Variants in SAE1 observed in about 807,000 individuals in gnomAD.
SAE1 encodes SUMO1 activating enzyme subunit 1.
Under a neutral mutation model 40.6 loss-of-function variants are expected in SAE1, and 11 were observed. The ratio of observed to expected loss-of-function variants is 0.27; its 90% CI spans 0.17 to 0.45. SAE1 has a LOEUF of 0.45. SAE1 is among the 20% of genes least tolerant of loss of function. The probability of loss-of-function intolerance (pLI) is 1.00; values close to 1 mark genes in which losing one functional copy is unlikely to be tolerated. For missense variants in SAE1, 373 were observed against 427.3 expected (o/e 0.87, Z 1.12); for synonymous variants, 155 against 154.3 (o/e 1.00, Z -0.03).
chr19:47,167,577 C>A (rs1298592717), intron 5 of SAE1, among the ~76,000 whole-genome samples: 3 of 152,130 alleles, frequency 2.0e-5, no homozygotes, highest in Admixed American at 2.0e-4. Flanking sequence ...CTATATGCAT[C>A]CTTAGCAAGC....
At chr19:47,205,764 C>G (rs1473220469) in intron 8 of SAE1, among the ~76,000 whole-genome samples, 2 of 152,198 alleles carry the variant, frequency 1.3e-5, no homozygotes, top group Non-Finnish European at 2.9e-5. Context: ...TCATCTCCCA[C>G]CGGCCCTATG....
intron 5 of SAE1, among the ~76,000 whole-genome samples, chr19:47,163,457 G>C (rs1000346821): frequency 1.3e-5 from 2 of 152,170 alleles, no homozygotes; most frequent in Non-Finnish European, 2.9e-5. Flanking sequence ...GCCAGGCGCA[G>C]TGCCTCACGC....
intron 5 of SAE1, among the ~76,000 whole-genome samples, chr19:47,164,363 T>G (rs2058376978): frequency 6.6e-6 from 1 of 151,782 alleles, no homozygotes; most frequent in Admixed American, 6.6e-5. Flanking sequence ...AGAGACGGGT[T>G]TCACCGTGTT....
chr19:47,208,589 C>T (rs976127766), intron 8 of SAE1, among the ~76,000 whole-genome samples: 2 of 152,140 alleles, frequency 1.3e-5, no homozygotes, highest in African/African-American at 2.4e-5. Flanking sequence ...CCATACTCGG[C>T]TAATTTCTGT....
rs141368277 is a variant in SAE1 at position 47,192,540 on chromosome 19, C to T, written c.734-4693C>T. On this transcript the variant is annotated intron_variant, in intron 6 of 8. Coordinates refer to ENST00000270225, the MANE Select transcript of SAE1 (RefSeq NM_005500.3). ...GGGATTACAGGCATCAGCCACCATG[C>T]CCGGCTACTTAATTTATTTTTTGAG... Among the ~76,000 whole-genome samples the T allele has an allele frequency of 3.6e-4, 54 of 152,040 alleles. No homozygotes were observed. In the East Asian group the frequency reaches 5.6e-3, roughly 16 times the overall value.
At chr19:47,175,837 A>G (rs2058465666) in intron 6 of SAE1, among the ~76,000 whole-genome samples, 1 of 152,234 alleles carries the variant, frequency 6.6e-6, no homozygotes, top group Admixed American at 6.5e-5. Context: ...CATAGTAGAA[A>G]AAACTCTGGT....
intron 1 of SAE1, among the ~76,000 whole-genome samples, chr19:47,132,431 T>TG (rs1225161648): frequency 2.0e-5 from 3 of 151,522 alleles, no homozygotes; most frequent in Non-Finnish European, 2.9e-5. Context: ...TTTGTTTTTT[T>TG]TTTTTTTTGT....
At chr19:47,191,248 T>TA (rs1366481107) in intron 6 of SAE1, among the ~76,000 whole-genome samples, 7 of 151,970 alleles carry the variant, frequency 4.6e-5, no homozygotes, top group Admixed American at 4.6e-4. Context: ...CCGTCACTAG[T>TA]AAAAATACAA....
chr19:47,186,549 C>G (rs889927617), intron 6 of SAE1, among the ~76,000 whole-genome samples: 1 of 152,098 alleles, frequency 6.6e-6, no homozygotes, highest in Non-Finnish European at 1.5e-5. Flanking sequence ...CCTCAGCCTT[C>G]TTGCTTGGGT....
intron 5 of SAE1, among the ~76,000 whole-genome samples, chr19:47,166,176 C>T (rs940567477): frequency 3.3e-5 from 5 of 152,078 alleles, no homozygotes; most frequent in Admixed American, 6.6e-5. Context: ...AGGCCAGAGA[C>T]GTGGGGGTTT....
intron 5 of SAE1, among the ~76,000 whole-genome samples, chr19:47,167,889 G>A (rs2058404475): frequency 6.6e-6 from 1 of 152,092 alleles, no homozygotes; most frequent in Non-Finnish European, 1.5e-5. Flanking sequence ...AGGGTAGCTA[G>A]TTCTAAGAAC....
At chr19:47,162,983 C>T (rs2058368337) in intron 5 of SAE1, among the ~76,000 whole-genome samples, 1 of 152,064 alleles carries the variant, frequency 6.6e-6, no homozygotes, top group African/African-American at 2.4e-5. Flanking sequence ...CAGAGCAACA[C>T]ACTGTCTCAA....
In SAE1 at chr19:47,144,346, A is replaced by C. The variant is rs149484644; in HGVS notation, c.210+741A>C. Among the ~76,000 whole-genome samples the C allele has an allele frequency of 3.7e-3, 562 of 151,610 alleles. 2 individuals carry two copies. The highest frequency in any genetic ancestry group is 0.013 in the African/African-American group (527 of 41,294). On this transcript the variant is annotated intron_variant, in intron 2 of 8. Coordinates refer to ENST00000270225, the MANE Select transcript of SAE1 (RefSeq NM_005500.3). ...GAGACTTTGCCTTAAAAAGAAATAA[A>C]TTAATGAAAGGTGTTTCAGGAGATT...
chr19:47,181,348 CAAAT>C (rs1409764002), intron 6 of SAE1, among the ~76,000 whole-genome samples: 5 of 151,416 alleles, frequency 3.3e-5, no homozygotes, highest in Non-Finnish European at 5.9e-5. Context: ...AAATAAAAAA[CAAAT>C]AAAAAGGTCT....
At chr19:47,182,496 T>TGCGCGC (rs1555794398) in intron 6 of SAE1, among the ~76,000 whole-genome samples, 124 of 146,034 alleles carry the variant, frequency 8.5e-4, no homozygotes, top group Admixed American at 3.9e-3. Flanking sequence ...TGTGTGTGTG[T>TGCGCGC]GCGCGCACGC....
chr19:47,145,933 A>G (rs917163265), intron 2 of SAE1, among the ~76,000 whole-genome samples: 2 of 100,268 alleles, frequency 2.0e-5, no homozygotes, highest in African/African-American at 8.0e-5. Flanking sequence ...TCCCATTCTC[A>G]AGGTTTTTTT....
Position 47,138,707 on chromosome 19 carries a change from G to A in SAE1, c.99-4787G>A, listed in dbSNP as rs796067782. On this transcript the variant is annotated intron_variant, in intron 1 of 8. Coordinates refer to ENST00000270225, the MANE Select transcript of SAE1 (RefSeq NM_005500.3). ...ACATATAAACAAGTAGTGTAGCTTA[G>A]CACAGTGGTGTGTGGCTGTGATCCC... is the stretch of plus-strand genomic sequence containing the variant. Among the ~76,000 whole-genome samples the A allele has an allele frequency of 6.0e-4, 92 of 152,252 alleles. 1 individual carries two copies. Among genetic ancestry groups the A allele is most frequent in the African/African-American group, 2.2e-3 (90 of 41,570 alleles).
chr19:47,135,834 C>T (rs2058175746), intron 1 of SAE1, among the ~76,000 whole-genome samples: 1 of 151,870 alleles, frequency 6.6e-6, no homozygotes, highest in Non-Finnish European at 1.5e-5. Context: ...CGCCGTGTCG[C>T]CTAGGCTGGA....
At chr19:47,204,160 T>G (rs920548639) in intron 8 of SAE1, among the ~76,000 whole-genome samples, 1 of 150,788 alleles carries the variant, frequency 6.6e-6, no homozygotes, top group East Asian at 2.0e-4. Flanking sequence ...TTTATCTCTA[T>G]TCATCACCAT....
Sources: gnomAD v4.1 joint callset for allele counts (sites outside exome capture counted in the v4.1 genomes callset) on GRCh38, gnomAD v4.1.1 for gene constraint, MANE v1.5 for transcripts, NCBI Gene and HGNC (gene_info 2026-07-23, HGNC 2026-07-21) for gene names.